Variants in MEIKIN observed in about 807,000 individuals in gnomAD.
MEIKIN encodes meiosis-specific kinetochore protein.
At chr5:131,900,428 A>G (rs1378781377) in intron 8 of MEIKIN, among the ~76,000 whole-genome samples, 1 of 152,176 alleles carries the variant, frequency 6.6e-6, no homozygotes, top group African/African-American at 2.4e-5. Flanking sequence ...GCAGGCAAGT[A>G]GCAACCCACC....
At chr5:131,945,293 G>C (rs1751943166) in intron 1 of MEIKIN, 44 bp from the exon 2 acceptor site, 1 of 398,964 alleles carries the variant, frequency 2.5e-6, no homozygotes, top group South Asian at 1.3e-4. Context: ...CCTACCCACC[G>C]GCTTCGGGGG....
At chr5:131,848,844 TG>T (rs1424703927) in intron 11 of MEIKIN, among the ~76,000 whole-genome samples, 1 of 152,126 alleles carries the variant, frequency 6.6e-6, no homozygotes, top group East Asian at 1.9e-4. Context: ...GTTTTATTCG[TG>T]GAATGCAAGG....
intron 11 of MEIKIN, among the ~76,000 whole-genome samples, chr5:131,823,074 C>T (rs1846650): frequency 0.78 from 118,386 of 151,804 alleles, 46,369 homozygotes; most frequent in Middle Eastern, 0.83. Flanking sequence ...GTATTACAGC[C>T]CCATTTTACG....
chr5:131,890,540 T>C (rs1175216745), intron 8 of MEIKIN, among the ~76,000 whole-genome samples: 1 of 152,256 alleles, frequency 6.6e-6, no homozygotes, highest in African/African-American at 2.4e-5. Flanking sequence ...GTAGTTTGTA[T>C]TTCTGTGGGA....
intron 11 of MEIKIN, among the ~76,000 whole-genome samples, chr5:131,848,616 T>C (rs1750058721): frequency 6.6e-6 from 1 of 152,132 alleles, no homozygotes; most frequent in African/African-American, 2.4e-5. Context: ...CTAAAACCAA[T>C]ACTTCTCTAA....
At chr5:131,923,500 T>G (rs72793248) in intron 5 of MEIKIN, among the ~76,000 whole-genome samples, 1 of 151,992 alleles carries the variant, frequency 6.6e-6, no homozygotes, top group Non-Finnish European at 1.5e-5. Context: ...TTTTAATCTT[T>G]TTTTTTCTTT....
chr5:131,944,693 G>A lies in MEIKIN; in HGVS notation c.260C>T (p.Thr87Ile). 2 of 399,080 alleles carry A rather than the reference G, an allele frequency of 5.0e-6. No individual in the cohort carries two copies. The highest frequency in any genetic ancestry group is 8.8e-6 in the Non-Finnish European group (2 of 226,076). The allele number at this position is 399,080 out of a possible 1,614,324, so 24.7% of individuals were successfully genotyped here. Reference sequence around the variant, plus strand: ...CAACGATGCAATCTTCTCATCCTGGGTGTCTTCACTAGACCTATTTTCTTG... The same window carrying A: ...CAACGATGCAATCTTCTCATCCTGGATGTCTTCACTAGACCTATTTTCTTG... ...SLQENRSSED[T>I]QDEKIASLRE... Residue 87 changes from threonine (T) to isoleucine (I), a missense_variant, in exon 3 of 13, where the codon ACC (threonine) becomes ATC (isoleucine). Thr to Ile is a moderately conservative substitution (Grantham distance 89). Coordinates refer to ENST00000442687, the MANE Select transcript of MEIKIN (RefSeq NM_001303622.2).
chr5:131,861,769 G>GT (rs1750289540), intron 9 of MEIKIN, among the ~76,000 whole-genome samples: 1 of 152,130 alleles, frequency 6.6e-6, no homozygotes, highest in Non-Finnish European at 1.5e-5. Flanking sequence ...ATTTGCACAG[G>GT]TTAAACCATT....
At chr5:131,815,302 A>G (rs1385915673) in intron 12 of MEIKIN, among the ~76,000 whole-genome samples, 2 of 152,312 alleles carry the variant, frequency 1.3e-5, no homozygotes, top group Admixed American at 6.5e-5. Context: ...CTAGGTGGCA[A>G]TAACTTGCAG....
rs116493399 is a variant in MEIKIN at position 131,830,335 on chromosome 5, T to A, written c.976-11472A>T. Among the ~76,000 whole-genome samples the A allele has an allele frequency of 9.5e-3, 1,454 of 152,310 alleles. 23 individuals carry two copies. Among genetic ancestry groups the A allele is most frequent in the African/African-American group, 0.032 (1,350 of 41,566 alleles). On this transcript the variant is annotated intron_variant, in intron 11 of 12. Transcript: ENST00000442687. ...TCAATTGAGCCTGGGAGGTCAAGGC[T>A]ACAGTGAGCCATTATCGTGCCACTG... is the stretch of plus-strand genomic sequence containing the variant.
intron 10 of MEIKIN, 99 bp from the exon 11 acceptor site, chr5:131,851,482 A>C: frequency 2.6e-6 from 1 of 392,066 alleles, no homozygotes; most frequent in Non-Finnish European, 4.5e-6. Context: ...ATCTCATTGG[A>C]AGCATTTTCC....
At chr5:131,897,776 T>G (rs1055490421) in intron 8 of MEIKIN, among the ~76,000 whole-genome samples, 1 of 152,218 alleles carries the variant, frequency 6.6e-6, no homozygotes, top group Non-Finnish European at 1.5e-5. Flanking sequence ...TTTATTCTAG[T>G]TAGCCATTCG....
At chr5:131,942,542 C>T (rs960887501) in intron 4 of MEIKIN, 93 bp downstream of exon 4, 1 of 393,588 alleles carries the variant, frequency 2.5e-6, no homozygotes, top group Admixed American at 4.4e-5. Flanking sequence ...ATACCTCTTC[C>T]ACTGAGATAG....
intron 4 of MEIKIN, among the ~76,000 whole-genome samples, chr5:131,937,723 C>T (rs1388316801): frequency 2.0e-5 from 3 of 152,126 alleles, no homozygotes; most frequent in Non-Finnish European, 4.4e-5. Flanking sequence ...GTTCTACCTT[C>T]TGGAGTTGTT....
chr5:131,881,222 G>A (rs1274335214), intron 8 of MEIKIN, among the ~76,000 whole-genome samples: 1 of 152,132 alleles, frequency 6.6e-6, no homozygotes, highest in Non-Finnish European at 1.5e-5. Flanking sequence ...AATAGTGTAG[G>A]ACCAGGTTAG....
intron 11 of MEIKIN, among the ~76,000 whole-genome samples, chr5:131,842,123 C>A (rs1175865349): frequency 2.6e-5 from 4 of 152,010 alleles, no homozygotes; most frequent in Non-Finnish European, 2.9e-5. Flanking sequence ...CATGCCATCA[C>A]GCCCAACTAA....
chr5:131,872,394 A>T (rs1281780812), intron 9 of MEIKIN, among the ~76,000 whole-genome samples: 2 of 152,240 alleles, frequency 1.3e-5, no homozygotes, highest in African/African-American at 2.4e-5. Context: ...AAGAAAGGGT[A>T]TCAGTGATGG....
At chr5:131,911,293 C>CA (rs2149643445) in intron 8 of MEIKIN, among the ~76,000 whole-genome samples, 1 of 152,046 alleles carries the variant, frequency 6.6e-6, no homozygotes, top group African/African-American at 2.4e-5. Context: ...AGCAATTCTT[C>CA]AAGTTTACTC....
intron 4 of MEIKIN, among the ~76,000 whole-genome samples, chr5:131,935,139 G>A (rs1257273043): frequency 6.7e-6 from 1 of 150,196 alleles, no homozygotes; most frequent in Non-Finnish European, 1.5e-5. Context: ...AATCCAGAAT[G>A]TAAAGAACTG....
Sources: gnomAD v4.1 joint callset for allele counts (sites outside exome capture counted in the v4.1 genomes callset) on GRCh38, gnomAD v4.1.1 for gene constraint, MANE v1.5 for transcripts, NCBI Gene and HGNC (gene_info 2026-07-23, HGNC 2026-07-21) for gene names.